Variants in ADGB observed in about 807,000 individuals in gnomAD.
ADGB encodes calpain-7-like protein.
In ADGB, 172 loss-of-function variants were observed where a neutral mutation model predicts 210.5. The observed-to-expected ratio is 0.82, with a 90% CI of 0.72 to 0.93. The LOEUF is 0.93. ADGB is among the 40% of genes least tolerant of loss of function. The pLI is 0.00. For missense variants in ADGB, 2,025 were observed against 1,964.8 expected (o/e 1.03, Z -0.58); for synonymous variants, 658 against 662.7 (o/e 0.99, Z 0.11).
At chr6:146,743,497 C>T (rs1777187125) in intron 25 of ADGB, among the ~76,000 whole-genome samples, 3 of 152,212 alleles carry the variant, frequency 2.0e-5, no homozygotes. Flanking sequence ...AGTCAACGTT[C>T]AGAAGAACAT....
At position 146,716,955 on chromosome 6, in the gene ADGB, TAGTC is replaced by T. The variant is rs768058744; in HGVS notation, c.1817_1820del (p.Val606AlafsTer27). 30 of 1,551,578 alleles carry T rather than the reference TAGTC, an allele frequency of 1.9e-5. No individual in the cohort carries two copies. The highest frequency in any genetic ancestry group is 2.7e-5 in the African/African-American group (2 of 73,140). ...GATGGATTAAACTTGGAAAGAGAGA[TAGTC>T]AGCCAGACCACAGCAACACAGGAAA... On this transcript the variant is annotated frameshift_variant, in exon 15 of 36. Coordinates refer to ENST00000397944, the MANE Select transcript of ADGB (RefSeq NM_024694.4). LOFTEE classifies it high-confidence loss of function.
chr6:146,685,278 C>A (rs1291158799), intron 9 of ADGB, among the ~76,000 whole-genome samples: 1 of 151,504 alleles, frequency 6.6e-6, no homozygotes, highest in Non-Finnish European at 1.5e-5. Flanking sequence ...TGGAAAAATT[C>A]ATTTTACTTA....
intron 35 of ADGB, chr6:146,807,438 A>G (rs2114672015): frequency 1.9e-6 from 3 of 1,551,628 alleles, no homozygotes; most frequent in Admixed American, 3.9e-5. Flanking sequence ...AATTTTCGAC[A>G]TCCGGGAAGA....
intron 14 of ADGB, 60 bp from the exon 15 acceptor site, chr6:146,716,823 C>T (rs1583603295): frequency 1.4e-6 from 2 of 1,398,976 alleles, no homozygotes; most frequent in Non-Finnish European, 1.9e-6. Context: ...TATCATTTTA[C>T]ATATTTCAAT....
intron 1 of ADGB, among the ~76,000 whole-genome samples, chr6:146,628,206 A>G (rs1352979414): frequency 6.6e-6 from 1 of 151,934 alleles, no homozygotes; most frequent in Non-Finnish European, 1.5e-5. Flanking sequence ...CAAATTGAAT[A>G]TAATTGACAT....
At chr6:146,626,218 A>G (rs1327713382) in intron 1 of ADGB, among the ~76,000 whole-genome samples, 1 of 152,040 alleles carries the variant, frequency 6.6e-6, no homozygotes, top group Non-Finnish European at 1.5e-5. Flanking sequence ...GCACTATGCT[A>G]TTATCATCAT....
chr6:146,692,934 CCTCACAAATG>C lies in ADGB; in HGVS notation c.1577+20_1577+29del. ...CAGAAATGTAAGTATTAACATTCTT[CCTCACAAATG>C]TGTCTTGTTAGTAAATACTTTGTGA... On this transcript the variant is annotated intron_variant, in intron 12 of 35. Coordinates refer to ENST00000397944, the MANE Select transcript of ADGB (RefSeq NM_024694.4). The C allele has an allele frequency of 7.6e-7, 1 of 1,318,578 alleles. No homozygotes were observed. Among genetic ancestry groups the C allele is most frequent in the Non-Finnish European group, 1.1e-6 (1 of 945,108 alleles). 81.7% of individuals were successfully genotyped at this position (1,318,578 alleles called of 1,614,324 possible).
chr6:146,626,222 T>C (rs1780970300), intron 1 of ADGB, among the ~76,000 whole-genome samples: 1 of 152,064 alleles, frequency 6.6e-6, no homozygotes, highest in Non-Finnish European at 1.5e-5. Context: ...TATGCTATTA[T>C]CATCATATAT....
At chr6:146,625,862 T>A (rs569755963) in intron 1 of ADGB, among the ~76,000 whole-genome samples, 9 of 152,262 alleles carry the variant, frequency 5.9e-5, no homozygotes, top group Admixed American at 1.3e-4. Flanking sequence ...TTGTTTTTTT[T>A]AATCAATTTG....
chr6:146,617,259 T>C (rs959657060), intron 1 of ADGB, among the ~76,000 whole-genome samples: 1 of 152,138 alleles, frequency 6.6e-6, no homozygotes, highest in African/African-American at 2.4e-5. Context: ...ACAGTTGGTG[T>C]ATGAAAATGC....
At chr6:146,671,681 A>G (rs1447225897) in intron 7 of ADGB, among the ~76,000 whole-genome samples, 1 of 152,144 alleles carries the variant, frequency 6.6e-6, no homozygotes, top group East Asian at 1.9e-4. Context: ...GAGCTGTGGG[A>G]AAAGAATTAA....
chr6:146,701,059 G>A lies in ADGB; in HGVS notation c.1696G>A (p.Ala566Thr), dbSNP rs557124057. The A allele has an allele frequency of 4.1e-5, 64 of 1,550,318 alleles. No homozygotes were observed. Among genetic ancestry groups the A allele is most frequent in the African/African-American group, 3.4e-4 (25 of 73,054 alleles). The change falls in exon 13 of 36, where the codon GCT becomes ACT. Residue 566 changes from alanine (A) to threonine (T), a missense_variant. Coordinates refer to ENST00000397944, the MANE Select transcript of ADGB (RefSeq NM_024694.4). The stretch of plus-strand genomic sequence containing the variant: ...GACAGACTTGAGTCAAATAACAAAA[G>A]CTACATCTCAGGTGACTATGTTACT... The part of the protein sequence containing the change: ...SQTDLSQITK[A>T]TSQGNTASQV...
chr6:146,599,094 C>T lies in ADGB; in HGVS notation c.54C>T (p.His18=). Residue 18 remains histidine (H), a synonymous_variant, in exon 1 of 36, where the codon CAC becomes CAT. Transcript: ENST00000397944. ...KKEVHRINSA[H]GSDKSKDFYP... The stretch of plus-strand genomic sequence containing the variant: ...AGGTGCATCGTATCAACTCGGCGCA[C>T]GGATCGGATAAATCGAAAGAGTAAG... 6.4e-7 allele frequency: 1 copy of T among 1,551,706 alleles called. No homozygotes were observed. Among genetic ancestry groups the T allele is most frequent in the African/African-American group, 1.4e-5 (1 of 73,184 alleles).
intron 30 of ADGB, among the ~76,000 whole-genome samples, chr6:146,784,355 T>C (rs1471114128): frequency 1.3e-5 from 2 of 152,186 alleles, no homozygotes; most frequent in African/African-American, 2.4e-5. Context: ...AGTTTATTAC[T>C]TTTTAATATT....
At chr6:146,705,190 T>A (rs923163613) in intron 13 of ADGB, among the ~76,000 whole-genome samples, 1 of 152,120 alleles carries the variant, frequency 6.6e-6, no homozygotes, top group Admixed American at 6.5e-5. Context: ...GGATTTTTAA[T>A]GGGGTTTTAA....
intron 18 of ADGB, chr6:146,724,552 A>G (rs1297350896): frequency 9.1e-6 from 3 of 328,820 alleles, no homozygotes. Flanking sequence ...ATTGTCAAAG[A>G]TTCTGGGAAT....
At chr6:146,766,617 C>A (rs1239603146) in intron 28 of ADGB, among the ~76,000 whole-genome samples, 1 of 151,866 alleles carries the variant, frequency 6.6e-6, no homozygotes, top group East Asian at 1.9e-4. Flanking sequence ...AATTCAAAGT[C>A]CTCTAAGTCT....
At chr6:146,803,323 C>G in intron 35 of ADGB, 1 of 1,608,908 alleles carries the variant, frequency 6.2e-7, no homozygotes, top group Non-Finnish European at 8.5e-7. Context: ...TGTGAAGAAC[C>G]AGAATCACTG....
intron 33 of ADGB, among the ~76,000 whole-genome samples, chr6:146,800,198 A>G (rs1217510364): frequency 2.6e-5 from 4 of 152,190 alleles, no homozygotes; most frequent in South Asian, 2.1e-4. Flanking sequence ...AATTGGTCAT[A>G]AAGTTAAAAA....
Sources: allele counts gnomAD v4.1 joint callset (sites outside exome capture counted in the v4.1 genomes callset), GRCh38; gene constraint gnomAD v4.1.1; transcripts MANE v1.5; gene names NCBI Gene and HGNC (gene_info 2026-07-23, HGNC 2026-07-21).